GAB1: variants seen among roughly 807,000 people sequenced by gnomAD.
GAB1 encodes the protein GRB2 associated binding protein 1.
In GAB1, 19 loss-of-function variants were observed where a neutral mutation model predicts 66.5. The observed-to-expected ratio is 0.29, with a 90% confidence interval of 0.20 to 0.42. The LOEUF is 0.42. Ranked by LOEUF, GAB1 falls within the 10% of genes least tolerant of loss-of-function variation. The pLI, the probability that GAB1 is intolerant of heterozygous loss-of-function variation, is 1.00. For synonymous variants in GAB1, 294 were observed against 301.4 expected (o/e 0.98, Z 0.25); for missense variants, 732 against 858.5 (o/e 0.85, Z 1.84).
chr4:143,432,902 G>GT (rs1209369412), intron 2 of GAB1, among the ~76,000 whole-genome samples: 2 of 152,188 alleles, frequency 1.3e-5, no homozygotes, highest in Non-Finnish European at 2.9e-5. Context: ...GGCAAATAAA[G>GT]TTATGAGCTG....
chr4:143,377,730 T>C (rs1730478001), intron 1 of GAB1, among the ~76,000 whole-genome samples: 2 of 152,154 alleles, frequency 1.3e-5, no homozygotes, highest in Non-Finnish European at 2.9e-5. Flanking sequence ...CATCATAATG[T>C]GGGAGTTTTA....
chr4:143,444,739 G>A (rs994208353), intron 6 of GAB1, among the ~76,000 whole-genome samples: 1 of 152,064 alleles, frequency 6.6e-6, no homozygotes, highest in South Asian at 2.1e-4. Context: ...GCACCCAATC[G>A]TTAGTTTTTC....
chr4:143,373,195 T>C (rs1016699607), intron 1 of GAB1, among the ~76,000 whole-genome samples: 19 of 152,354 alleles, frequency 1.2e-4, no homozygotes, highest in African/African-American at 4.3e-4. Flanking sequence ...TAAAATGTCA[T>C]CTCATCGCTG....
intron 3 of GAB1, among the ~76,000 whole-genome samples, chr4:143,436,605 T>C (rs1417438131): frequency 6.6e-6 from 1 of 152,056 alleles, no homozygotes; most frequent in Non-Finnish European, 1.5e-5. Context: ...AGTACGCGGC[T>C]AAGAAGAAGG....
intron 1 of GAB1, among the ~76,000 whole-genome samples, chr4:143,394,406 C>CTGTG (rs2149690780): frequency 6.6e-6 from 1 of 152,324 alleles, no homozygotes; most frequent in South Asian, 2.1e-4. Context: ...CTCAGTTAAT[C>CTGTG]TGTGTGTCCA....
intron 1 of GAB1, among the ~76,000 whole-genome samples, chr4:143,398,587 T>G (rs1731580958): frequency 6.6e-6 from 1 of 152,162 alleles, no homozygotes; most frequent in Non-Finnish European, 1.5e-5. Context: ...CTGATGTTTT[T>G]TTCAGTGTGT....
chr4:143,349,824 T>C (rs1729124777), intron 1 of GAB1: 1 of 1,585,166 alleles, frequency 6.3e-7, no homozygotes, highest in South Asian at 1.1e-5. Flanking sequence ...GCTTCTGCAC[T>C]GGCATAATCT....
At chr4:143,395,787 A>G (rs1414888778) in intron 1 of GAB1, 2 of 415,504 alleles carry the variant, frequency 4.8e-6, no homozygotes, top group African/African-American at 2.0e-5. Flanking sequence ...CCTTCTTTTA[A>G]AGCATATCCC....
Position 143,466,157 on chromosome 4 carries a change from A to G in GAB1, c.1858A>G (p.Lys620Glu). The G allele has an allele frequency of 1.9e-6, 3 of 1,613,878 alleles. No homozygotes were observed. Among genetic ancestry groups the G allele is most frequent in the Admixed American group, 3.3e-5 (2 of 60,006 alleles). Residue 620 changes from lysine (K) to glutamate (E), a missense_variant, in exon 9 of 10, where the codon AAA (lysine) becomes GAA (glutamate). Around this residue, in one of 4 missense-constraint regions of GAB1, gnomAD observed 204 missense variants for 276.8 expected, o/e 0.74. Coordinates refer to ENST00000262994, the MANE Select transcript of GAB1 (RefSeq NM_002039.4). ...AGGAAGCAGCCCTATGATCAAGCCCAAAGGAGACAAACAGGTGGAATACTT... is the reference window on the plus strand; with the variant it reads ...AGGAAGCAGCCCTATGATCAAGCCCGAAGGAGACAAACAGGTGGAATACTT... ...DGGSSPMIKP[K>E]GDKQVEYLDL...
chr4:143,342,284 T>C (rs1728846082), intron 1 of GAB1, among the ~76,000 whole-genome samples: 1 of 152,210 alleles, frequency 6.6e-6, no homozygotes, highest in Admixed American at 6.5e-5. Context: ...AGTTTGAGAA[T>C]TCTGCTGGCT....
intron 6 of GAB1, among the ~76,000 whole-genome samples, chr4:143,455,293 ACAAT>A (rs1471458904): frequency 6.6e-6 from 1 of 152,214 alleles, no homozygotes; most frequent in Non-Finnish European, 1.5e-5. Flanking sequence ...TAGAGGAGAA[ACAAT>A]CAGTTTCAGC....
At chr4:143,354,474 G>A (rs17017648) in intron 1 of GAB1, among the ~76,000 whole-genome samples, 2,761 of 151,848 alleles carry the variant, frequency 0.018, 91 homozygotes, top group African/African-American at 0.063. Context: ...TTTCAGTGGG[G>A]GTATTTTAAC....
intron 2 of GAB1, among the ~76,000 whole-genome samples, chr4:143,422,015 A>C (rs905218689): frequency 5.3e-5 from 8 of 152,160 alleles, no homozygotes; most frequent in Non-Finnish European, 8.8e-5. Flanking sequence ...AAGAAACTGC[A>C]ATGCAGGCTG....
chr4:143,460,230 T>G (rs907467978), intron 7 of GAB1, 134 bp from the exon 8 acceptor site: 1 of 751,564 alleles, frequency 1.3e-6, no homozygotes, highest in Non-Finnish European at 2.2e-6. Context: ...TCATTATAAA[T>G]GTGTACAATG....
chr4:143,406,250 G>A (rs1476717501), intron 1 of GAB1, among the ~76,000 whole-genome samples: 1 of 152,116 alleles, frequency 6.6e-6, no homozygotes, highest in Non-Finnish European at 1.5e-5. Flanking sequence ...TAGGTATTTA[G>A]CCACATTTTT....
intron 6 of GAB1, among the ~76,000 whole-genome samples, chr4:143,452,197 G>T (rs1734964695): frequency 6.6e-6 from 1 of 152,134 alleles, no homozygotes; most frequent in African/African-American, 2.4e-5. Context: ...TCCTGCCTCG[G>T]CCTCCCACAG....
At position 143,469,038 on chromosome 4, in the gene GAB1, G is replaced by T. The variant is rs750465976; in HGVS notation, c.1934G>T (p.Ser645Ile). 5 of 1,613,572 alleles carry T rather than the reference G, an allele frequency of 3.1e-6. No individual in the cohort carries two copies. The East Asian group carries it at 8.9e-5, about 29-fold the overall frequency. The change falls in exon 10 of 10, where the codon AGC becomes ATC. Residue 645 changes from serine to isoleucine, a missense_variant. Physicochemically the swap from Ser to Ile is moderately radical, Grantham distance 142. Around this residue, in one of 4 missense-constraint regions of GAB1, gnomAD observed 204 missense variants for 276.8 expected, o/e 0.74. Transcript: ENST00000262994. ...GKSTPPRKQKSSGSGSSVADE... is the reference protein window; with the variant it reads ...GKSTPPRKQKISGSGSSVADE... ...TTTTTCTTTGTGTTTTAGCAAAAGA[G>T]CAGTGGCTCAGGCAGCAGTGTAGCA...
In GAB1 at chr4:143,472,517, T is replaced by TTAAAATA. The variant is rs1736128916; in HGVS notation, c.*3330_*3336dup. The stretch of plus-strand genomic sequence containing the variant: ...GAGAAAACAGTATTTTTATATTTTG[T>TTAAAATA]TAAAATATTAACTACTTTATGCCTA... On this transcript the variant is annotated 3_prime_UTR_variant, in exon 10 of 10. Transcript: ENST00000262994. The TTAAAATA allele has an allele frequency of 6.6e-6, 1 of 152,214 alleles. No homozygotes were observed. The highest frequency in any genetic ancestry group is 1.5e-5 in the Non-Finnish European group (1 of 68,038). The allele number at this position is 152,214 out of a possible 1,614,324, so 9.4% of individuals were successfully genotyped here. A position where few individuals can be genotyped will look rare whatever the true frequency, so the allele number is the denominator to read the frequency against.
chr4:143,449,431 C>T (rs1734771267), intron 6 of GAB1, among the ~76,000 whole-genome samples: 2 of 151,710 alleles, frequency 1.3e-5, no homozygotes, highest in African/African-American at 4.8e-5. Flanking sequence ...GTCTAAGTCT[C>T]TTTGTAGGTC....
Sources: gnomAD v4.1 joint callset for allele counts (sites outside exome capture counted in the v4.1 genomes callset) on GRCh38, gnomAD v4.1.1 for gene constraint, gnomAD v4.1.1 regional missense constraint, MANE v1.5 for transcripts, NCBI Gene and HGNC (gene_info 2026-07-23, HGNC 2026-07-21) for gene names.